The following VTI1A variants were observed in gnomAD, a reference collection of about 807,000 sequenced individuals.
VTI1A encodes vesicle transport through interaction with t-SNAREs 1A.
Under a neutral mutation model 34.9 loss-of-function variants are expected in VTI1A, and 22 were observed. The ratio of observed to expected loss-of-function variants is 0.63; its 90% CI spans 0.45 to 0.90. The LOEUF is 0.90. VTI1A is among the 40% of genes least tolerant of loss of function. The probability of loss-of-function intolerance (pLI) is 0.00; values close to 1 mark genes in which losing one functional copy is unlikely to be tolerated. For missense variants in VTI1A, 268 were observed against 275.6 expected (o/e 0.97, Z 0.20); for synonymous variants, 87 against 97.3 (o/e 0.89, Z 0.62).
chr10:112,846,959 G>C, the VTI1A span, among the ~76,000 whole-genome samples: 1 of 152,126 alleles, frequency 6.6e-6, no homozygotes, highest in Admixed American at 6.5e-5. Flanking sequence ...GAGGAATGCA[G>C]CCCTGCCAAT....
At chr10:112,719,248 C>T (rs1235476473) in intron 7 of VTI1A, among the ~76,000 whole-genome samples, 1 of 152,112 alleles carries the variant, frequency 6.6e-6, no homozygotes, top group Non-Finnish European at 1.5e-5. Context: ...AATTTTACTT[C>T]CTTAAATTTC....
intron 7 of VTI1A, among the ~76,000 whole-genome samples, chr10:112,788,025 T>C (rs1370798998): frequency 1.3e-5 from 2 of 151,782 alleles, no homozygotes; most frequent in African/African-American, 4.8e-5. Context: ...TATTATTGAT[T>C]TATAATTTAG....
chr10:112,556,402 A>G (rs1387541646), intron 5 of VTI1A, among the ~76,000 whole-genome samples: 1 of 152,018 alleles, frequency 6.6e-6, no homozygotes, highest in African/African-American at 2.4e-5. Flanking sequence ...CTGATATTTC[A>G]ACTCTAAAAA....
chr10:112,728,070 C>T (rs1295005943), intron 7 of VTI1A, among the ~76,000 whole-genome samples: 1 of 152,116 alleles, frequency 6.6e-6, no homozygotes, highest in East Asian at 1.9e-4. Flanking sequence ...CAGTCTGAAC[C>T]CGAAGTCACC....
intron 7 of VTI1A, among the ~76,000 whole-genome samples, chr10:112,751,062 C>T (rs374231523): frequency 9.9e-5 from 15 of 152,062 alleles, no homozygotes; most frequent in South Asian, 6.2e-4. Flanking sequence ...TATATTGCCT[C>T]CTGGATTTGG....
chr10:112,494,544 C>T (rs1471856555), intron 3 of VTI1A, among the ~76,000 whole-genome samples: 1 of 151,900 alleles, frequency 6.6e-6, no homozygotes, highest in African/African-American at 2.4e-5. Flanking sequence ...TTCCTCGCTC[C>T]GTTGCCAAGG....
chr10:112,787,907 G>A (rs1368578398), intron 7 of VTI1A, among the ~76,000 whole-genome samples: 5 of 151,128 alleles, frequency 3.3e-5, no homozygotes, highest in Admixed American at 2.0e-4. Flanking sequence ...TCACCATATT[G>A]GCCAGGCTGG....
intron 5 of VTI1A, among the ~76,000 whole-genome samples, chr10:112,613,390 T>A (rs1394585277): frequency 6.6e-6 from 1 of 152,202 alleles, no homozygotes; most frequent in Non-Finnish European, 1.5e-5. Context: ...CCACTTCTTA[T>A]GTTGGTATGG....
At chr10:112,587,422 AT>A (rs1210222595) in intron 5 of VTI1A, among the ~76,000 whole-genome samples, 1 of 152,204 alleles carries the variant, frequency 6.6e-6, no homozygotes, top group Non-Finnish European at 1.5e-5. Flanking sequence ...GCATAAAAAA[AT>A]AAGTCAAACT....
intron 3 of VTI1A, among the ~76,000 whole-genome samples, chr10:112,472,671 G>A (rs1407354967): frequency 2.6e-5 from 4 of 151,820 alleles, no homozygotes; most frequent in Non-Finnish European, 1.5e-5. Flanking sequence ...ACAGCTTCCT[G>A]GGATATTTTA....
chr10:112,579,683 C>T (rs762520648), intron 5 of VTI1A, among the ~76,000 whole-genome samples: 3 of 152,018 alleles, frequency 2.0e-5, no homozygotes, highest in East Asian at 1.9e-4. Flanking sequence ...ATTTAAAATA[C>T]GGGAATAAAT....
intron 5 of VTI1A, among the ~76,000 whole-genome samples, chr10:112,641,778 CT>C (rs1190509347): frequency 2.0e-5 from 3 of 152,146 alleles, no homozygotes; most frequent in Non-Finnish European, 2.9e-5. Flanking sequence ...AAAGTGCTTG[CT>C]TTTACAAACC....
At chr10:112,559,715 CT>C (rs1851657414) in intron 5 of VTI1A, among the ~76,000 whole-genome samples, 1 of 152,174 alleles carries the variant, frequency 6.6e-6, no homozygotes, top group South Asian at 2.1e-4. Flanking sequence ...TTAGGAAAGA[CT>C]GGTGCTTACT....
chr10:112,548,787 G>T (rs1851233814), intron 5 of VTI1A: 9 of 1,493,384 alleles, frequency 6.0e-6, no homozygotes, highest in Middle Eastern at 4.7e-4. Context: ...ACATGGGCTT[G>T]CCAGGAACCA....
At chr10:112,737,963 G>C (rs1430726460) in intron 7 of VTI1A, 5 of 927,740 alleles carry the variant, frequency 5.4e-6, no homozygotes, top group Non-Finnish European at 6.4e-6. Flanking sequence ...GATGCTTAGG[G>C]CCTCCTGCAA....
chr10:112,567,096 C>T (rs1851931165), intron 5 of VTI1A, among the ~76,000 whole-genome samples: 1 of 151,998 alleles, frequency 6.6e-6, no homozygotes, highest in Non-Finnish European at 1.5e-5. Flanking sequence ...GTGGTGTAAT[C>T]ACAGCTCACT....
chr10:112,611,737 ATTTT>A (rs3057346), intron 5 of VTI1A, among the ~76,000 whole-genome samples: 126 of 100,784 alleles, frequency 1.3e-3, no homozygotes, highest in East Asian at 2.7e-3. Context: ...GAGAAAGGTA[ATTTT>A]TTTTTTTTTT....
chr10:112,820,246 T>C (rs1853629797), downstream of VTI1A, among the ~76,000 whole-genome samples: 1 of 152,076 alleles, frequency 6.6e-6, no homozygotes, highest in Non-Finnish European at 1.5e-5. Flanking sequence ...ACAGAAAAGG[T>C]ACCAAGAGCC....
At chr10:112,637,439 T>C (rs952517777) in intron 5 of VTI1A, among the ~76,000 whole-genome samples, 1 of 152,088 alleles carries the variant, frequency 6.6e-6, no homozygotes, top group Non-Finnish European at 1.5e-5. Context: ...GAGGCCAAGG[T>C]GGGCGGATCA....
Sources: allele counts gnomAD v4.1 joint callset (sites outside exome capture counted in the v4.1 genomes callset), GRCh38; gene constraint gnomAD v4.1.1; transcripts MANE v1.5; gene names NCBI Gene and HGNC (gene_info 2026-07-23, HGNC 2026-07-21).